KCNIP4: variants seen among roughly 807,000 people sequenced by gnomAD.
The protein encoded by KCNIP4 is potassium voltage-gated channel interacting protein 4.
KCNIP4 carries 12 observed loss-of-function variants against 34.0 expected under a neutral mutation model. The ratio of observed to expected loss-of-function variants is 0.35; its 90% CI spans 0.23 to 0.57. The LOEUF (loss-of-function observed/expected upper bound fraction) is 0.57. Among genes scored for constraint, KCNIP4 ranks in the 20% least tolerant of loss-of-function variants. KCNIP4 has a pLI of 0.83. For missense variants in KCNIP4, 238 were observed against 311.7 expected (o/e 0.76, Z 1.78); for synonymous variants, 124 against 102.2 (o/e 1.21, Z -1.29).
chr4:21,773,745 GTTTTT>G (rs55701942), intron 1 of KCNIP4, among the ~76,000 whole-genome samples: 1 of 115,426 alleles, frequency 8.7e-6, no homozygotes, highest in Admixed American at 7.7e-5. Flanking sequence ...TTTTTTTGTT[GTTTTT>G]TTTTTTTTGT....
At chr4:21,921,047 C>T (rs533196551) in intron 1 of KCNIP4, among the ~76,000 whole-genome samples, 118 of 152,188 alleles carry the variant, frequency 7.8e-4, no homozygotes, top group African/African-American at 2.7e-3. Flanking sequence ...CCTTTAAGTG[C>T]TTGAGTTTTC....
chr4:20,755,945 C>T (rs150433922), intron 4 of KCNIP4, among the ~76,000 whole-genome samples: 6 of 152,078 alleles, frequency 3.9e-5, no homozygotes, highest in African/African-American at 1.4e-4. Flanking sequence ...GAGACAGTAG[C>T]CACCATTTGT....
chr4:21,837,335 A>G (rs1448200717), intron 1 of KCNIP4, among the ~76,000 whole-genome samples: 4 of 150,148 alleles, frequency 2.7e-5, no homozygotes, highest in African/African-American at 7.3e-5. Context: ...GGAGTTCGAG[A>G]CCAGGCTGGC....
intron 1 of KCNIP4, among the ~76,000 whole-genome samples, chr4:21,297,508 A>G (rs905953374): frequency 2.0e-5 from 3 of 152,160 alleles, no homozygotes; most frequent in Non-Finnish European, 4.4e-5. Flanking sequence ...GAAACAGGTT[A>G]TGTTTGAAGT....
chr4:21,018,358 T>C (rs1418298605), intron 1 of KCNIP4, among the ~76,000 whole-genome samples: 1 of 152,218 alleles, frequency 6.6e-6, no homozygotes, highest in Non-Finnish European at 1.5e-5. Flanking sequence ...CATAAGGTTA[T>C]AAAATTGGAA....
intron 1 of KCNIP4, among the ~76,000 whole-genome samples, chr4:21,457,107 ACTGT>A (rs1729018336): frequency 6.6e-6 from 1 of 151,926 alleles, no homozygotes; most frequent in African/African-American, 2.4e-5. Flanking sequence ...CTTCCATTTT[ACTGT>A]CTGCTTCATT....
chr4:20,850,059 C>A (rs560790475), intron 3 of KCNIP4, among the ~76,000 whole-genome samples: 33 of 152,150 alleles, frequency 2.2e-4, no homozygotes, highest in African/African-American at 7.5e-4. Context: ...TGCAGAGAAC[C>A]AGGTACAGTG....
intron 1 of KCNIP4, among the ~76,000 whole-genome samples, chr4:21,589,301 GATAC>G (rs1339094767): frequency 1.5e-5 from 2 of 133,814 alleles, no homozygotes; most frequent in Non-Finnish European, 3.2e-5. Context: ...TATGTGTATA[GATAC>G]ATATATACAT....
chr4:21,245,459 C>T (rs923138133), intron 1 of KCNIP4, among the ~76,000 whole-genome samples: 5 of 152,068 alleles, frequency 3.3e-5, no homozygotes, highest in Admixed American at 6.6e-5. Context: ...TTTTGCTTTG[C>T]TTTTTCATTT....
In KCNIP4 at chr4:21,536,230, C is replaced by G. The variant is rs28699049; in HGVS notation, c.61+412341G>C. ...ATTTATGGGCCCAGCTGGTGTCCTG[C>G]TGAGGCTACGTATTTGAGATTTTGC... is the stretch of plus-strand genomic sequence containing the variant. On this transcript the variant is annotated intron_variant, in intron 1 of 8. Transcript: ENST00000382152. 2.9e-3 allele frequency among the ~76,000 whole-genome samples: 435 copies of G among 152,248 alleles called. 3 individuals are homozygous for G. The highest frequency in any genetic ancestry group is 0.01 in the African/African-American group (422 of 41,550).
chr4:21,343,098 A>T (rs1716921373), intron 1 of KCNIP4, among the ~76,000 whole-genome samples: 1 of 152,132 alleles, frequency 6.6e-6, no homozygotes, highest in Admixed American at 6.6e-5. Context: ...TTTATGAAAG[A>T]TGGACCCAAT....
intron 1 of KCNIP4, among the ~76,000 whole-genome samples, chr4:21,494,416 T>C (rs1179877168): frequency 1.3e-5 from 2 of 152,164 alleles, no homozygotes; most frequent in Non-Finnish European, 1.5e-5. Context: ...ACCAATAACA[T>C]TAATAACAAA....
intron 5 of KCNIP4, among the ~76,000 whole-genome samples, chr4:20,744,399 C>G (rs1226768802): frequency 6.6e-6 from 1 of 151,256 alleles, no homozygotes; most frequent in African/African-American, 2.5e-5. Flanking sequence ...GAAAATGTGG[C>G]ACATATACTG....
At chr4:21,908,634 T>C (rs1206636467) in intron 1 of KCNIP4, among the ~76,000 whole-genome samples, 2 of 152,142 alleles carry the variant, frequency 1.3e-5, no homozygotes, top group East Asian at 3.9e-4. Flanking sequence ...CGGACTGAAC[T>C]AAGAGTTCCC....
chr4:20,889,552 G>A lies in KCNIP4; in HGVS notation c.62-6843C>T, dbSNP rs534648196. ...GGCGGGGAGGGTGTCAGTGGAAGTCGTAAGACTTTTATTTTTTTGTGCCAT... is the reference window on the plus strand; with the variant it reads ...GGCGGGGAGGGTGTCAGTGGAAGTCATAAGACTTTTATTTTTTTGTGCCAT... On this transcript the variant is annotated intron_variant, in intron 1 of 8. Transcript: ENST00000382152. Among the ~76,000 whole-genome samples, 32 of 152,086 alleles carry A rather than the reference G, an allele frequency of 2.1e-4. 1 individual carries two copies. The highest frequency in any genetic ancestry group is 1.9e-3 in the South Asian group (9 of 4,828).
At chr4:21,601,626 T>C (rs1252949739) in intron 1 of KCNIP4, among the ~76,000 whole-genome samples, 5 of 152,074 alleles carry the variant, frequency 3.3e-5, no homozygotes, top group African/African-American at 1.2e-4. Flanking sequence ...GGATGGATGT[T>C]CATATTCCAT....
chr4:20,965,434 C>T (rs114953439), intron 1 of KCNIP4, among the ~76,000 whole-genome samples: 2 of 152,122 alleles, frequency 1.3e-5, no homozygotes, highest in Admixed American at 1.3e-4. Context: ...GTATAACTGT[C>T]GTGGTACAAG....
At chr4:21,222,432 G>A (rs1187116705) in intron 1 of KCNIP4, among the ~76,000 whole-genome samples, 6 of 152,044 alleles carry the variant, frequency 3.9e-5, no homozygotes, top group African/African-American at 1.2e-4. Flanking sequence ...CTCAGTCTTA[G>A]AAGGCAGCAC....
chr4:20,818,759 T>C (rs887189001), intron 3 of KCNIP4, among the ~76,000 whole-genome samples: 41 of 152,092 alleles, frequency 2.7e-4, no homozygotes, highest in Admixed American at 8.5e-4. Flanking sequence ...TTGTAGGCCT[T>C]ATTCAAAATA....
Sources: allele counts gnomAD v4.1 joint callset (sites outside exome capture counted in the v4.1 genomes callset), GRCh38; gene constraint gnomAD v4.1.1; transcripts MANE v1.5; gene names NCBI Gene and HGNC (gene_info 2026-07-23, HGNC 2026-07-21).